Variants in STYK1 observed in about 807,000 individuals in gnomAD.
STYK1 encodes STY kinase 1.
Under a neutral mutation model 48.1 loss-of-function variants are expected in STYK1, and 46 were observed. The ratio of observed to expected loss-of-function variants is 0.96; its 90% CI spans 0.75 to 1.22. The LOEUF is 1.22. STYK1 is among the 50% of genes most tolerant of loss of function. STYK1 has a pLI of 0.00. For synonymous variants in STYK1, 188 were observed against 189.0 expected, an observed-to-expected ratio of 0.99 and a Z score of 0.04; for missense variants, 527 against 521.1, an observed-to-expected ratio of 1.01 and a Z score of -0.11.
intron 10 of STYK1, among the ~76,000 whole-genome samples, chr12:10,621,336 TTTC>T (rs1865902905): frequency 6.6e-6 from 1 of 152,208 alleles, no homozygotes; most frequent in African/African-American, 2.4e-5. Context: ...GCCTTTCTAA[TTTC>T]TTCTTATCTC....
In STYK1 at chr12:10,629,539, T is replaced by A. The variant is rs1267142700; in HGVS notation, c.587A>T (p.Asp196Val). The change falls in exon 6 of 11, where the codon GAT becomes GTT. Residue 196 changes from aspartate (D) to valine (V), a missense_variant. Asp to Val is a radical substitution (Grantham distance 152). Coordinates refer to ENST00000075503, the MANE Select transcript of STYK1 (RefSeq NM_018423.3). ...EKLPLYMVLE[D>V]VAQGDLLSFL... ...GCTGAGCAGGTCCCCCTGGGCCACA[T>A]CCTCCAACACCATATAGAGTGGCAG... 25 of 1,614,036 alleles carry A rather than the reference T, an allele frequency of 1.5e-5. No homozygotes were observed. The East Asian group carries it at 5.3e-4, about 35-fold the overall frequency.
chr12:10,634,765 C>T, intron 2 of STYK1, 79 bp from the exon 3 acceptor site: 2 of 791,254 alleles, frequency 2.5e-6, no homozygotes, highest in South Asian at 3.6e-5. Flanking sequence ...TTTAAACCGC[C>T]TCTACAGATC....
chr12:10,662,198 C>T (rs192398356), intron 1 of STYK1, among the ~76,000 whole-genome samples: 184 of 152,112 alleles, frequency 1.2e-3, no homozygotes, highest in Admixed American at 1.9e-3. Flanking sequence ...ATGAGAACTT[C>T]GTTCCTTTTT....
At position 10,650,727 on chromosome 12, in the gene STYK1, G is replaced by A. The variant is rs559418449; in HGVS notation, c.-194-13531C>T. ...TGAAAGTGCAGGAGCAGGGCCGGGC[G>A]CAGTGGCTCACCCCTGTAATTCCAG... On this transcript the variant is annotated intron_variant, in intron 1 of 10. Transcript: ENST00000075503. 3.5e-4 allele frequency among the ~76,000 whole-genome samples: 54 copies of A among 152,270 alleles called. No individual in the cohort carries two copies. In the Middle Eastern group the frequency reaches 0.014, roughly 38 times the overall value.
rs1386042245 is a variant in STYK1, at chr12:10,629,580, G to A, written c.546C>T (p.Gly182=). 2.5e-6 allele frequency: 4 copies of A among 1,614,048 alleles called. No individual in the cohort carries two copies. The African/African-American group carries it at 4.0e-5, about 16-fold the overall frequency. Residue 182 remains glycine, a synonymous_variant, in exon 6 of 11, where the codon GGC becomes GGT. Coordinates refer to ENST00000075503, the MANE Select transcript of STYK1 (RefSeq NM_018423.3). ...GKHKNLVQLE[G]CCTEKLPLYM... ...AGAGTGGCAGCTTTTCAGTGCAGCA[G>A]CCTTCCAGCTGCACCAGGTTTTTGT...
At chr12:10,629,451 G>A (rs1363541164) in intron 6 of STYK1, 42 bp downstream of exon 6, 6 of 1,603,862 alleles carry the variant, frequency 3.7e-6, no homozygotes, top group Admixed American at 1.7e-5. Context: ...TAGTCAACAA[G>A]GTCAAGCCTT....
chr12:10,648,178 T>C (rs1209516496), intron 1 of STYK1, among the ~76,000 whole-genome samples: 2 of 152,160 alleles, frequency 1.3e-5, no homozygotes. Context: ...ATTTAGGCAA[T>C]GGACTACTTG....
At chr12:10,656,252 A>T (rs532915151) in intron 1 of STYK1, among the ~76,000 whole-genome samples, 1 of 152,172 alleles carries the variant, frequency 6.6e-6, no homozygotes, top group South Asian at 2.1e-4. Flanking sequence ...CTCCCCAGCC[A>T]CGTGGAATTG....
intron 1 of STYK1, among the ~76,000 whole-genome samples, chr12:10,658,518 C>A (rs150983177): frequency 2.0e-5 from 3 of 152,134 alleles, no homozygotes; most frequent in Non-Finnish European, 4.4e-5. Flanking sequence ...GAATGACTTA[C>A]GGTGACCTGA....
intron 1 of STYK1, among the ~76,000 whole-genome samples, chr12:10,646,275 C>T (rs994646405): frequency 4.6e-5 from 7 of 152,124 alleles, no homozygotes; most frequent in African/African-American, 1.7e-4. Flanking sequence ...GACCAAAAGG[C>T]CGATAATGAT....
rs1170776521 is a variant in STYK1, at chr12:10,630,396, AAAAAG to A, written c.451+644_451+648del. 3.5e-4 allele frequency among the ~76,000 whole-genome samples: 53 copies of A among 149,756 alleles called. 2 individuals are homozygous for A. In the South Asian group the frequency reaches 8.4e-3, roughly 24 times the overall value. ...GCAACACTCTGTCTCAAAAAAAAAA[AAAAAG>A]AAAAAAGAAATATAATATCAGGAAG... On this transcript the variant is annotated intron_variant, in intron 5 of 10. Transcript: ENST00000075503.
rs954089802 is a variant in STYK1 at position 10,672,823 on chromosome 12, T to C, written c.-195+1143A>G. ...GGCACTGAACGAAAAAGTATATGAT[T>C]TTCATTGAAGCAAATACTTCATGAT... On this transcript the variant is annotated intron_variant, in intron 1 of 10. Coordinates refer to ENST00000075503, the MANE Select transcript of STYK1 (RefSeq NM_018423.3). The surrounding 1 kb of genome is among the most constrained non-coding windows in gnomAD (Gnocchi z 4.0). 2.0e-5 allele frequency among the ~76,000 whole-genome samples: 3 copies of C among 152,180 alleles called. No homozygotes were observed. The highest frequency in any genetic ancestry group is 7.2e-5 in the African/African-American group (3 of 41,412).
chr12:10,626,811 C>G (rs1003255379), intron 7 of STYK1, among the ~76,000 whole-genome samples: 1 of 152,090 alleles, frequency 6.6e-6, no homozygotes, highest in African/African-American at 2.4e-5. Context: ...TCGAGACCAT[C>G]CTGGCTAACA....
intron 5 of STYK1, 102 bp from the exon 6 acceptor site, chr12:10,629,776 C>T: frequency 7.4e-7 from 1 of 1,356,676 alleles, no homozygotes; most frequent in Non-Finnish European, 1.0e-6. Context: ...CTCAAGGCCC[C>T]ACATGGGAGT....
chr12:10,667,957 G>A (rs1287769160), intron 1 of STYK1, among the ~76,000 whole-genome samples: 1 of 152,110 alleles, frequency 6.6e-6, no homozygotes, highest in Non-Finnish European at 1.5e-5. Context: ...GAGAACAACT[G>A]CAGGAAATGA....
At chr12:10,661,583 C>A (rs1366010893) in intron 1 of STYK1, among the ~76,000 whole-genome samples, 1 of 152,214 alleles carries the variant, frequency 6.6e-6, no homozygotes, top group Non-Finnish European at 1.5e-5. Context: ...GTTATAACAG[C>A]AAACATTTAT....
At chr12:10,671,089 G>A (rs1947887176) in intron 1 of STYK1, among the ~76,000 whole-genome samples, 1 of 145,186 alleles carries the variant, frequency 6.9e-6, no homozygotes, top group South Asian at 2.1e-4. Context: ...TCCGCCTCCT[G>A]GATTCACGCC....
At chr12:10,662,073 T>C (rs1947782972) in intron 1 of STYK1, among the ~76,000 whole-genome samples, 3 of 152,198 alleles carry the variant, frequency 2.0e-5, no homozygotes. Flanking sequence ...TCTTTATGGA[T>C]TCACCTATTC....
At chr12:10,622,355 G>A (rs1007232275) in intron 9 of STYK1, among the ~76,000 whole-genome samples, 2 of 152,096 alleles carry the variant, frequency 1.3e-5, no homozygotes, top group African/African-American at 4.8e-5. Context: ...AATTATCCTT[G>A]GGATTTGAAA....
Sources: gnomAD v4.1 joint callset for allele counts (sites outside exome capture counted in the v4.1 genomes callset) on GRCh38, gnomAD v4.1.1 for gene constraint, Gnocchi (gnomAD v3.1) non-coding constraint, MANE v1.5 for transcripts, NCBI Gene and HGNC (gene_info 2026-07-23, HGNC 2026-07-21) for gene names.